BACH2: variants seen among roughly 807,000 people sequenced by gnomAD.
BACH2 encodes BACH transcriptional regulator 2, also known as transcription regulator protein BACH2.
A neutral mutation model predicts 61.8 loss-of-function variants in BACH2; 5 were observed. The observed-to-expected ratio is 0.08, with a 90% CI of 0.04 to 0.17. The LOEUF (loss-of-function observed/expected upper bound fraction) is 0.17. Among genes scored for constraint, BACH2 ranks in the 10% least tolerant of loss-of-function variants. The pLI, the probability that BACH2 is intolerant of heterozygous loss-of-function variation, is 1.00. For synonymous variants in BACH2, 446 were observed against 440.1 expected, an observed-to-expected ratio of 1.01 and a Z score of -0.17; for missense variants, 824 against 1,091.1, an observed-to-expected ratio of 0.76 and a Z score of 3.45.
At chr6:90,069,641 C>T (rs1781130240) in intron 5 of BACH2, among the ~76,000 whole-genome samples, 1 of 152,092 alleles carries the variant, frequency 6.6e-6, no homozygotes. Flanking sequence ...AAGGACTCAC[C>T]ACTCCCTCCC....
At chr6:90,152,864 A>G (rs1447833568) in intron 4 of BACH2, among the ~76,000 whole-genome samples, 2 of 152,212 alleles carry the variant, frequency 1.3e-5, no homozygotes, top group South Asian at 2.1e-4. Context: ...CATTTCAAAC[A>G]TAAGGAGGAC....
At chr6:90,131,154 G>A (rs1209123016) in intron 4 of BACH2, among the ~76,000 whole-genome samples, 1 of 152,134 alleles carries the variant, frequency 6.6e-6, no homozygotes, top group South Asian at 2.1e-4. Flanking sequence ...GTTATCAGAG[G>A]CATTTACTAG....
intron 5 of BACH2, among the ~76,000 whole-genome samples, chr6:90,010,307 A>G (rs181865225): frequency 3.9e-5 from 6 of 152,342 alleles, no homozygotes; most frequent in Admixed American, 1.3e-4. Flanking sequence ...CTGACATTCT[A>G]TATTAGCTTG....
chr6:90,186,779 TCTGGAAGGTAAGC>T (rs1768372473), intron 4 of BACH2, among the ~76,000 whole-genome samples: 1 of 152,106 alleles, frequency 6.6e-6, no homozygotes, highest in East Asian at 1.9e-4. Flanking sequence ...TCAAAAGAGC[TCTGGAAGGTAAGC>T]ATTTCTATCA....
intron 5 of BACH2, among the ~76,000 whole-genome samples, chr6:90,036,390 CAG>C (rs778233991): frequency 1.4e-4 from 22 of 152,040 alleles, no homozygotes; most frequent in African/African-American, 2.7e-4. Flanking sequence ...AAGCTTGTAA[CAG>C]GGGATAAAAA....
intron 7 of BACH2, among the ~76,000 whole-genome samples, chr6:89,947,078 A>C (rs532791826): frequency 1.3e-5 from 2 of 152,262 alleles, no homozygotes; most frequent in East Asian, 3.9e-4. Flanking sequence ...ACACACGCGA[A>C]GTATTACACT....
chr6:90,222,190 C>CA (rs1323412492), intron 3 of BACH2, among the ~76,000 whole-genome samples: 2 of 152,322 alleles, frequency 1.3e-5, no homozygotes, highest in Non-Finnish European at 2.9e-5. Context: ...AAGAGCTCAA[C>CA]AGCCACCTGT....
At chr6:90,054,424 C>T (rs1260893882) in intron 5 of BACH2, among the ~76,000 whole-genome samples, 1 of 152,156 alleles carries the variant, frequency 6.6e-6, no homozygotes, top group Non-Finnish European at 1.5e-5. Context: ...GGGGGAGGGG[C>T]GCCCACCACT....
intron 6 of BACH2, among the ~76,000 whole-genome samples, chr6:90,007,894 A>G (rs1490959240): frequency 6.6e-6 from 1 of 152,236 alleles, no homozygotes; most frequent in Non-Finnish European, 1.5e-5. Context: ...GGAAGTCAGG[A>G]TGATGAACCA....
chr6:90,092,457 G>A (rs1187646905), intron 4 of BACH2, among the ~76,000 whole-genome samples: 2 of 151,798 alleles, frequency 1.3e-5, no homozygotes, highest in African/African-American at 4.8e-5. Context: ...AGAGTTTATA[G>A]TTTTCCAAGC....
At chr6:90,073,868 T>G (rs917078560) in intron 5 of BACH2, among the ~76,000 whole-genome samples, 1 of 152,226 alleles carries the variant, frequency 6.6e-6, no homozygotes, top group Non-Finnish European at 1.5e-5. Flanking sequence ...CCTTAAAACT[T>G]CGTCTTGAAT....
chr6:89,947,700 G>C (rs1009913779), intron 7 of BACH2, among the ~76,000 whole-genome samples: 1 of 151,562 alleles, frequency 6.6e-6, no homozygotes, highest in South Asian at 2.1e-4. Context: ...TGAGTAGCTG[G>C]GACTACAGGC....
intron 4 of BACH2, among the ~76,000 whole-genome samples, chr6:90,164,654 A>G (rs1767542510): frequency 6.6e-6 from 1 of 152,238 alleles, no homozygotes; most frequent in Non-Finnish European, 1.5e-5. Flanking sequence ...CATTGATGCA[A>G]AAATCCTCAA....
At chr6:89,979,492 G>C (rs966654142) in intron 6 of BACH2, among the ~76,000 whole-genome samples, 7 of 152,160 alleles carry the variant, frequency 4.6e-5, no homozygotes, top group East Asian at 1.9e-4. Context: ...AGGTACTACA[G>C]ACATACAGCA....
intron 5 of BACH2, among the ~76,000 whole-genome samples, chr6:90,076,951 A>C (rs1781496520): frequency 6.6e-6 from 1 of 152,204 alleles, no homozygotes; most frequent in Non-Finnish European, 1.5e-5. Flanking sequence ...AATAAACTTT[A>C]AAGCATTCTG....
At chr6:90,209,515 T>C (rs1374265489) in intron 3 of BACH2, among the ~76,000 whole-genome samples, 1 of 152,258 alleles carries the variant, frequency 6.6e-6, no homozygotes, top group Non-Finnish European at 1.5e-5. Flanking sequence ...TATCCATCCA[T>C]GTAAAAACTA....
At chr6:90,032,867 G>A (rs9362713) in intron 5 of BACH2, among the ~76,000 whole-genome samples, 64,331 of 151,892 alleles carry the variant, frequency 0.42, 15,740 homozygotes, top group East Asian at 0.82. Flanking sequence ...GTATATACCC[G>A]AAGGATTATA....
chr6:90,046,272 A>G (rs1196205565), intron 5 of BACH2, among the ~76,000 whole-genome samples: 4 of 152,226 alleles, frequency 2.6e-5, no homozygotes, highest in Non-Finnish European at 4.4e-5. Flanking sequence ...AACATTTAGT[A>G]TGTGTCTACC....
chr6:90,016,755 C>A (rs530479326), intron 5 of BACH2, among the ~76,000 whole-genome samples: 3 of 151,774 alleles, frequency 2.0e-5, no homozygotes, highest in Non-Finnish European at 2.9e-5. Context: ...AAGCCTGCTG[C>A]CTTCATTTTT....
Sources: gnomAD v4.1 joint callset for allele counts (sites outside exome capture counted in the v4.1 genomes callset) on GRCh38, gnomAD v4.1.1 for gene constraint, MANE v1.5 for transcripts, NCBI Gene and HGNC (gene_info 2026-07-23, HGNC 2026-07-21) for gene names.